BCL2L13: variants seen among roughly 807,000 people sequenced by gnomAD.
BCL2L13 encodes the protein bcl-2-like protein 13.
In BCL2L13, 13 loss-of-function variants were observed where a neutral mutation model predicts 25.8. That is an observed-to-expected ratio of 0.50 (90% CI 0.33 to 0.80). The LOEUF (loss-of-function observed/expected upper bound fraction) is 0.80, where lower values mean the gene tolerates loss of function less well. BCL2L13 is among the 30% of genes least tolerant of loss of function. BCL2L13 has a pLI of 0.02. For missense variants in BCL2L13, 504 were observed against 574.9 expected (o/e 0.88, Z 1.26); for synonymous variants, 244 against 230.3 (o/e 1.06, Z -0.54).
intron 1 of BCL2L13, among the ~76,000 whole-genome samples, chr22:17,654,986 A>T (rs2058806835): frequency 6.6e-6 from 1 of 152,012 alleles, no homozygotes; most frequent in Non-Finnish European, 1.5e-5. Context: ...GGCCTTCTAA[A>T]GTTCTGGGAT....
chr22:17,714,637 G>A (rs2060861390), intron 6 of BCL2L13, among the ~76,000 whole-genome samples: 2 of 152,150 alleles, frequency 1.3e-5, no homozygotes, highest in African/African-American at 2.4e-5. Context: ...CTACTAGAAC[G>A]TAGAAAGGTG....
intron 2 of BCL2L13, among the ~76,000 whole-genome samples, chr22:17,656,134 G>C (rs988169453): frequency 6.6e-6 from 1 of 150,942 alleles, no homozygotes; most frequent in Non-Finnish European, 1.5e-5. Flanking sequence ...CAGCTACTCA[G>C]GAGGCTGAGG....
intron 2 of BCL2L13, among the ~76,000 whole-genome samples, chr22:17,680,215 C>CAAAAAAA (rs71201867): frequency 1.3e-4 from 9 of 67,054 alleles, no homozygotes; most frequent in Non-Finnish European, 1.9e-4. Context: ...AACTCTCTCT[C>CAAAAAAA]AAAAAAAAAA....
intron 1 of BCL2L13, among the ~76,000 whole-genome samples, chr22:17,632,846 C>T (rs5747298): frequency 0.31 from 46,883 of 150,388 alleles, 8,088 homozygotes; most frequent in African/African-American, 0.44. Flanking sequence ...CTCTGCCTCC[C>T]GGGTTCAAGC....
At chr22:17,630,660 G>A (rs1349074808) in intron 1 of BCL2L13, among the ~76,000 whole-genome samples, 5 of 130,182 alleles carry the variant, frequency 3.8e-5, no homozygotes, top group African/African-American at 1.2e-4. Flanking sequence ...GCAGAATCTC[G>A]GCTCACCACA....
chr22:17,630,217 C>CAAA (rs1491147593), intron 1 of BCL2L13, among the ~76,000 whole-genome samples: 5 of 71,610 alleles, frequency 7.0e-5, no homozygotes, highest in African/African-American at 2.9e-4. Context: ...GACTCCGTCT[C>CAAA]AAAAAAACAA....
chr22:17,638,493 G>T (rs2058150786), upstream of BCL2L13: 1 of 405,900 alleles, frequency 2.5e-6, no homozygotes, highest in Non-Finnish European at 4.3e-6. Context: ...CCCTGGAATC[G>T]CCTGCCCTTC....
chr22:17,684,366 A>AT (rs2059845688), intron 3 of BCL2L13, among the ~76,000 whole-genome samples: 1 of 152,150 alleles, frequency 6.6e-6, no homozygotes, highest in Non-Finnish European at 1.5e-5. Flanking sequence ...TATTCACAGA[A>AT]TTTATCACCA....
chr22:17,705,924 G>GTT, intron 6 of BCL2L13, among the ~76,000 whole-genome samples: 1 of 152,304 alleles, frequency 6.6e-6, no homozygotes, highest in Non-Finnish European at 1.5e-5. Context: ...TGAATGGAGT[G>GTT]ATATAGCACA....
chr22:17,721,374 ATTTT>A (rs913689826), intron 6 of BCL2L13, among the ~76,000 whole-genome samples: 10 of 151,726 alleles, frequency 6.6e-5, no homozygotes, highest in African/African-American at 2.4e-4. Flanking sequence ...AATTTTTGTT[ATTTT>A]TTAATTTAAA....
At chr22:17,662,242 G>A (rs1440900923) in intron 2 of BCL2L13, among the ~76,000 whole-genome samples, 1 of 152,170 alleles carries the variant, frequency 6.6e-6, no homozygotes, top group Non-Finnish European at 1.5e-5. Context: ...ATTTTGGGAG[G>A]CCAAGGCGGG....
chr22:17,669,831 T>A (rs2059360275), intron 2 of BCL2L13, among the ~76,000 whole-genome samples: 1 of 152,216 alleles, frequency 6.6e-6, no homozygotes, highest in Non-Finnish European at 1.5e-5. Context: ...TACTCTGTGC[T>A]GCCTCGGGAC....
At chr22:17,685,470 T>C (rs2059898310) in intron 3 of BCL2L13, among the ~76,000 whole-genome samples, 1 of 150,734 alleles carries the variant, frequency 6.6e-6, no homozygotes, top group African/African-American at 2.4e-5. Context: ...ATGATCCACC[T>C]GTCTCGGCCT....
intron 6 of BCL2L13, among the ~76,000 whole-genome samples, chr22:17,711,454 C>T (rs1420519814): frequency 6.6e-6 from 1 of 151,810 alleles, no homozygotes. Flanking sequence ...TGCACCACCA[C>T]ACTCAACTAA....
At chr22:17,696,537 A>C (rs1359886151) in intron 5 of BCL2L13, among the ~76,000 whole-genome samples, 1 of 152,170 alleles carries the variant, frequency 6.6e-6, no homozygotes, top group Non-Finnish European at 1.5e-5. Flanking sequence ...GGGGAAAAAG[A>C]ATACAGACTT....
At chr22:17,635,412 A>G (rs2058088721), upstream of BCL2L13, among the ~76,000 whole-genome samples, 1 of 149,042 alleles carries the variant, frequency 6.7e-6, no homozygotes, top group South Asian at 2.1e-4. Context: ...TCCAAATACC[A>G]TAAACTGCTG....
chr22:17,713,853 A>G (rs1407491432), intron 6 of BCL2L13, among the ~76,000 whole-genome samples: 1 of 152,040 alleles, frequency 6.6e-6, no homozygotes, highest in African/African-American at 2.4e-5. Context: ...ACAAAGAAAA[A>G]AAATGGGCCA....
In BCL2L13 at chr22:17,729,063, T is replaced by C. The variant is rs981763856; in HGVS notation, c.*1529T>C. On this transcript the variant is annotated 3_prime_UTR_variant, in exon 7 of 7. Transcript: ENST00000317582. ...GTTTAAAAAGGTCATCTTAGATTTA[T>C]CTTAGTAAATGTAATAAATTATTTT... 1 of 152,272 alleles carries C rather than the reference T, an allele frequency of 6.6e-6. No homozygotes were observed. Among genetic ancestry groups the C allele is most frequent in the Non-Finnish European group, 1.5e-5 (1 of 68,054 alleles). 9.4% of individuals were successfully genotyped at this position (152,272 alleles called of 1,614,324 possible).
intron 2 of BCL2L13, among the ~76,000 whole-genome samples, chr22:17,658,670 T>C (rs965773040): frequency 7.5e-6 from 1 of 134,140 alleles, no homozygotes; most frequent in African/African-American, 2.8e-5. Context: ...ACTCCAGCTC[T>C]GGGCAACAGA....
Sources: gnomAD v4.1 joint callset for allele counts (sites outside exome capture counted in the v4.1 genomes callset) on GRCh38, gnomAD v4.1.1 for gene constraint, MANE v1.5 for transcripts, NCBI Gene and HGNC (gene_info 2026-07-23, HGNC 2026-07-21) for gene names.